Variants in PPFIA1 observed in about 807,000 individuals in gnomAD.
PPFIA1 encodes PPFI scaffold protein A1, also known as liprin-alpha-1.
Under a neutral mutation model 149.9 loss-of-function variants are expected in PPFIA1, and 25 were observed. The ratio of observed to expected loss-of-function variants is 0.17; its 90% CI spans 0.12 to 0.23. The LOEUF (loss-of-function observed/expected upper bound fraction) is 0.23. Among genes scored for constraint, PPFIA1 ranks in the 10% least tolerant of loss-of-function variants. The pLI, the probability that PPFIA1 is intolerant of heterozygous loss-of-function variation, is 1.00. For synonymous variants in PPFIA1, 549 were observed against 552.8 expected, an observed-to-expected ratio of 0.99 and a Z score of 0.10; for missense variants, 1,362 against 1,506.5, an observed-to-expected ratio of 0.90 and a Z score of 1.59.
chr11:70,305,916 G>C (rs2052814708), intron 2 of PPFIA1, among the ~76,000 whole-genome samples: 1 of 152,066 alleles, frequency 6.6e-6, no homozygotes, highest in African/African-American at 2.4e-5. Context: ...TAGGTAATAG[G>C]GTATTTTAAT....
At chr11:70,357,033 G>C (rs1371995244) in intron 19 of PPFIA1, among the ~76,000 whole-genome samples, 1 of 152,074 alleles carries the variant, frequency 6.6e-6, no homozygotes, top group African/African-American at 2.4e-5. Context: ...TGAGTTGCGT[G>C]TTGGCTGACT....
chr11:70,313,441 C>T (rs976222954), intron 2 of PPFIA1, among the ~76,000 whole-genome samples: 3 of 152,064 alleles, frequency 2.0e-5, no homozygotes, highest in Non-Finnish European at 4.4e-5. Flanking sequence ...GAGAATGGAT[C>T]CGAGCGGGGA....
intron 26 of PPFIA1, among the ~76,000 whole-genome samples, chr11:70,380,204 T>TC (rs1158249955): frequency 6.8e-6 from 1 of 147,890 alleles, no homozygotes; most frequent in Non-Finnish European, 1.5e-5. Context: ...GGTCAGGAGT[T>TC]CGAGACCAGC....
chr11:70,316,034 A>T (rs1445542995), intron 2 of PPFIA1, among the ~76,000 whole-genome samples: 1 of 151,958 alleles, frequency 6.6e-6, no homozygotes, highest in African/African-American at 2.4e-5. Context: ...AGGTTCACCC[A>T]TATTGTATTA....
At chr11:70,382,470 G>A (rs1591411324) in intron 27 of PPFIA1, among the ~76,000 whole-genome samples, 1 of 152,252 alleles carries the variant, frequency 6.6e-6, no homozygotes, top group East Asian at 1.9e-4. Context: ...GGAGAGCAGA[G>A]CATGGCAGAG....
rs910525598 is a variant in PPFIA1, at chr11:70,355,872, C to T, written c.2488+61C>T. ...GGGTCGGGGAGGAAGGCACTGCCTTCGGTGCCATCAGTTCCCACGCGGTGC... is the reference window on the plus strand; with the variant it reads ...GGGTCGGGGAGGAAGGCACTGCCTTTGGTGCCATCAGTTCCCACGCGGTGC... On this transcript the variant is annotated intron_variant, in intron 18 of 27. Coordinates refer to ENST00000253925, the MANE Select transcript of PPFIA1 (RefSeq NM_003626.5). 24 of 1,553,530 alleles carry T rather than the reference C, an allele frequency of 1.5e-5. No homozygotes were observed. In the Admixed American group the frequency reaches 1.9e-4, roughly 13 times the overall value.
intron 2 of PPFIA1, among the ~76,000 whole-genome samples, chr11:70,306,383 G>A (rs879892962): frequency 7.2e-5 from 11 of 152,158 alleles, no homozygotes; most frequent in Non-Finnish European, 1.2e-4. Context: ...TCATTTCTAA[G>A]TGGATAGCTT....
Position 70,326,714 on chromosome 11 carries a change from C to G in PPFIA1, c.826C>G (p.Leu276Val). ...CCAAATGAAAGAACGCCTGGCTTCC[C>G]TTTCCAGTCATGTGACAGAACTGGA... ...QSQMKERLAS[L>V]SSHVTELEED... Residue 276 changes from leucine to valine, a missense_variant, in exon 7 of 28, where the codon CTT (leucine) becomes GTT (valine). Around this residue, in one of 7 missense-constraint regions of PPFIA1, gnomAD observed 733 missense variants for 744.1 expected, o/e 0.99. Coordinates refer to ENST00000253925, the MANE Select transcript of PPFIA1 (RefSeq NM_003626.5). 1 of 1,614,092 alleles carries G rather than the reference C, an allele frequency of 6.2e-7. No homozygotes were observed. The highest frequency in any genetic ancestry group is 8.5e-7 in the Non-Finnish European group (1 of 1,179,972).
chr11:70,383,196 A>ATATT lies in PPFIA1; in HGVS notation c.*210_*213dup. On this transcript the variant is annotated 3_prime_UTR_variant, in exon 28 of 28. Transcript: ENST00000253925. ...AATATTTTAGAATTTAATGTTTCTT[A>ATATT]TATTTATGTAAACTTATGACTCTTC... 1 of 328,334 alleles carries ATATT rather than the reference A, an allele frequency of 3.0e-6. No individual in the cohort carries two copies. The highest frequency in any genetic ancestry group is 2.4e-5 in the South Asian group (1 of 41,074). The allele number at this position is 328,334 out of a possible 1,614,324, so 20.3% of individuals were successfully genotyped here.
intron 25 of PPFIA1, among the ~76,000 whole-genome samples, chr11:70,377,013 C>T (rs1051379810): frequency 6.6e-6 from 1 of 151,838 alleles, no homozygotes; most frequent in Non-Finnish European, 1.5e-5. Flanking sequence ...GTGGAGGTTG[C>T]AGTGAGCTGA....
At chr11:70,368,641 A>G (rs1471590125) in intron 21 of PPFIA1, among the ~76,000 whole-genome samples, 1 of 152,236 alleles carries the variant, frequency 6.6e-6, no homozygotes, top group Non-Finnish European at 1.5e-5. Context: ...TGTAAATGAT[A>G]CTTTTTAAAT....
intron 21 of PPFIA1, 114 bp from the exon 22 acceptor site, chr11:70,372,098 TATC>T (rs2057294390): frequency 2.2e-6 from 2 of 889,602 alleles, no homozygotes; most frequent in Admixed American, 3.5e-5. Context: ...ATTATAAAAT[TATC>T]ATTAGTTTAG....
chr11:70,381,182 G>C (rs2057696696), intron 26 of PPFIA1: 2 of 151,976 alleles, frequency 1.3e-5, no homozygotes, highest in South Asian at 4.2e-4. Context: ...AGAGTCAGAG[G>C]GTTTGTGAAG....
intron 2 of PPFIA1, among the ~76,000 whole-genome samples, chr11:70,302,637 A>T (rs752493346): frequency 4.6e-5 from 7 of 152,188 alleles, no homozygotes; most frequent in Admixed American, 2.0e-4. Context: ...AAAAGCTTTA[A>T]CAAGTCCATT....
chr11:70,358,616 G>C (rs1331229604), intron 19 of PPFIA1: 1 of 152,202 alleles, frequency 6.6e-6, no homozygotes, highest in Non-Finnish European at 1.5e-5. Flanking sequence ...TCTTAAGAAC[G>C]AACGTATATT....
chr11:70,281,369 C>CCTG (rs1260558278), intron 2 of PPFIA1, among the ~76,000 whole-genome samples: 1 of 152,202 alleles, frequency 6.6e-6, no homozygotes, highest in Non-Finnish European at 1.5e-5. Context: ...CCCCCAACCT[C>CCTG]CTGCTCCTGG....
At position 70,325,424 on chromosome 11, in the gene PPFIA1, T is replaced by G. The variant is rs186519254; in HGVS notation, c.532-76T>G. The G allele has an allele frequency of 3.1e-3, 2,867 of 926,936 alleles. 10 individuals carry two copies. Among genetic ancestry groups the G allele is most frequent in the Non-Finnish European group, 3.4e-3 (2,022 of 594,506 alleles). The allele number at this position is 926,936 out of a possible 1,614,324, so 57.4% of individuals were successfully genotyped here. A position where few individuals can be genotyped will look rare whatever the true frequency, so the allele number is the denominator to read the frequency against. On this transcript the variant is annotated intron_variant, in intron 4 of 27. Coordinates refer to ENST00000253925, the MANE Select transcript of PPFIA1 (RefSeq NM_003626.5). ...TAATATATACATTAAGTGTATATAT[T>G]ACACTTAACTATATATTAAGAATAA...
Position 70,336,111 on chromosome 11 carries a change from A to C in PPFIA1, c.1428+417A>C, listed in dbSNP as rs562155048. 6.4e-4 allele frequency among the ~76,000 whole-genome samples: 97 copies of C among 152,366 alleles called. 2 individuals are homozygous for C. The highest frequency in any genetic ancestry group is 8.7e-4 in the Non-Finnish European group (59 of 68,036). ...ATAAAATTCATTTGTAGAAACAAGCAGTGGGCTGGTTTTGGCCGTCAGGTT... is the reference window on the plus strand; with the variant it reads ...ATAAAATTCATTTGTAGAAACAAGCCGTGGGCTGGTTTTGGCCGTCAGGTT... On this transcript the variant is annotated intron_variant, in intron 11 of 27. Transcript: ENST00000253925.
At chr11:70,364,050 C>T (rs2056798069) in intron 21 of PPFIA1, among the ~76,000 whole-genome samples, 2 of 152,182 alleles carry the variant, frequency 1.3e-5, no homozygotes, top group African/African-American at 4.8e-5. Flanking sequence ...TTCTAATCCT[C>T]CCTTCCCCAT....
Sources: gnomAD v4.1 joint callset for allele counts (sites outside exome capture counted in the v4.1 genomes callset) on GRCh38, gnomAD v4.1.1 for gene constraint, gnomAD v4.1.1 regional missense constraint, MANE v1.5 for transcripts, NCBI Gene and HGNC (gene_info 2026-07-23, HGNC 2026-07-21) for gene names.